The following LRRC7 variants were observed in gnomAD, a reference collection of about 807,000 sequenced individuals.
LRRC7 encodes leucine rich repeat containing 7.
LRRC7 carries 23 observed loss-of-function variants against 175.7 expected under a neutral mutation model. That is an observed-to-expected ratio of 0.13 (90% CI 0.09 to 0.19). The LOEUF (loss-of-function observed/expected upper bound fraction) is 0.19, where lower values mean the gene tolerates loss of function less well. Ranked by LOEUF, LRRC7 falls within the 10% of genes least tolerant of loss-of-function variation. The probability of loss-of-function intolerance (pLI) is 1.00; values close to 1 mark genes in which losing one functional copy is unlikely to be tolerated. For synonymous variants in LRRC7, 685 were observed against 680.9 expected (o/e 1.01, Z -0.09); for missense variants, 1,354 against 1,904.7 (o/e 0.71, Z 5.38).
chr1:70,097,267 C>T (rs1664475337), intron 25 of LRRC7, among the ~76,000 whole-genome samples: 2 of 152,156 alleles, frequency 1.3e-5, no homozygotes, highest in Admixed American at 1.3e-4. Flanking sequence ...GCCTTTCTGA[C>T]TTCCTGAGCC....
At position 70,016,489 on chromosome 1, in the gene LRRC7, T is replaced by A; in HGVS notation, c.1275T>A (p.Phe425Leu). The change falls in exon 14 of 27, where the codon TTT becomes TTA. Residue 425 changes from phenylalanine (F) to leucine (L), a missense_variant. This residue lies in a region of LRRC7 where 201 missense variants were observed against 481.4 expected (regional missense o/e 0.42). Coordinates refer to ENST00000651989, the MANE Select transcript of LRRC7 (RefSeq NM_001370785.2). ...DNRLKNLPFSFTKLKELAALW... is the reference protein window; with the variant it reads ...DNRLKNLPFSLTKLKELAALW... ...GATTGAAGAATTTACCATTCTCATT[T>A]ACCAAACTTAAAGAGCTTGCAGCTT... The A allele has an allele frequency of 6.3e-7, 1 of 1,590,174 alleles. No homozygotes were observed. The highest frequency in any genetic ancestry group is 8.6e-7 in the Non-Finnish European group (1 of 1,168,866).
chr1:69,844,545 C>T (rs1348964084), intron 7 of LRRC7, among the ~76,000 whole-genome samples: 1 of 152,112 alleles, frequency 6.6e-6, no homozygotes, highest in African/African-American at 2.4e-5. Context: ...TAATATTCCG[C>T]TATATACATA....
Position 69,644,774 on chromosome 1 carries a change from T to TA in LRRC7, c.3-33599dup, listed in dbSNP as rs1021638452. Among the ~76,000 whole-genome samples the TA allele has an allele frequency of 1.3e-4, 19 of 151,560 alleles. No individual in the cohort carries two copies. In the South Asian group the frequency reaches 1.5e-3, roughly 12 times the overall value. ...TTAGCAAATTTAATCTACCAATATA[T>TA]AAAAAAAATGCATCATTAACAGATT... On this transcript the variant is annotated intron_variant, in intron 1 of 26. Coordinates refer to ENST00000651989, the MANE Select transcript of LRRC7 (RefSeq NM_001370785.2).
chr1:69,718,180 G>GAAAGAAGA (rs1439175731), intron 2 of LRRC7, among the ~76,000 whole-genome samples: 4 of 102,718 alleles, frequency 3.9e-5, no homozygotes, highest in Non-Finnish European at 7.8e-5. Flanking sequence ...AAGAAGAAAA[G>GAAAGAAGA]AAAAGAAAGA....
chr1:69,923,275 C>T (rs1646951172), intron 7 of LRRC7, among the ~76,000 whole-genome samples: 1 of 152,196 alleles, frequency 6.6e-6, no homozygotes, highest in African/African-American at 2.4e-5. Context: ...CTGCAATAAA[C>T]ATACATGTGC....
chr1:69,628,655 C>T (rs1232305232), intron 1 of LRRC7, among the ~76,000 whole-genome samples: 2 of 151,972 alleles, frequency 1.3e-5, no homozygotes, highest in Admixed American at 6.6e-5. Context: ...GGCAAACACA[C>T]GAATACCTAA....
intron 8 of LRRC7, among the ~76,000 whole-genome samples, chr1:69,972,338 G>A (rs1020098832): frequency 2.0e-5 from 3 of 152,164 alleles, no homozygotes; most frequent in Non-Finnish European, 4.4e-5. Flanking sequence ...GACAACCCAC[G>A]GAGTGGGAGA....
At chr1:69,774,842 T>C (rs1273556011) in intron 3 of LRRC7, among the ~76,000 whole-genome samples, 2 of 151,492 alleles carry the variant, frequency 1.3e-5, no homozygotes, top group Non-Finnish European at 2.9e-5. Flanking sequence ...TGCCATAATA[T>C]GAAATAAATA....
intron 18 of LRRC7, among the ~76,000 whole-genome samples, chr1:70,032,601 T>C (rs1184445834): frequency 5.9e-5 from 9 of 152,178 alleles, no homozygotes; most frequent in Non-Finnish European, 1.0e-4. Context: ...ATGTTCTGCA[T>C]TTTTCCCTTT....
Position 70,131,541 on chromosome 1 carries a change from C to G in LRRC7, c.*9654C>G, listed in dbSNP as rs1666662846. ...TTTGTCATTGACTCTTTTACTTATA[C>G]TATTAATATTAATTACTCTTATTCT... On this transcript the variant is annotated 3_prime_UTR_variant, in exon 27 of 27. Transcript: ENST00000651989. Among the ~76,000 whole-genome samples the G allele has an allele frequency of 6.6e-6, 1 of 152,166 alleles. No individual in the cohort carries two copies. Among genetic ancestry groups the G allele is most frequent in the African/African-American group, 2.4e-5 (1 of 41,440 alleles).
intron 23 of LRRC7, among the ~76,000 whole-genome samples, chr1:70,056,526 A>T (rs1204655577): frequency 2.0e-5 from 3 of 152,132 alleles, no homozygotes; most frequent in Non-Finnish European, 4.4e-5. Flanking sequence ...CTCTATCCTA[A>T]AACTGGTTTC....
At chr1:69,934,493 G>GCA (rs1647747280) in intron 8 of LRRC7, among the ~76,000 whole-genome samples, 1 of 74,700 alleles carries the variant, frequency 1.3e-5, no homozygotes, top group Non-Finnish European at 3.0e-5. Flanking sequence ...AGATATTTTG[G>GCA]CGGGGGGGGG....
At chr1:70,092,170 C>T (rs2102173708) in intron 25 of LRRC7, among the ~76,000 whole-genome samples, 1 of 152,134 alleles carries the variant, frequency 6.6e-6, no homozygotes, top group East Asian at 1.9e-4. Flanking sequence ...AACCCAGTGC[C>T]TGAAACTACC....
intron 3 of LRRC7, among the ~76,000 whole-genome samples, chr1:69,781,873 GAAGA>G (rs1194354554): frequency 1.6e-5 from 2 of 128,920 alleles, no homozygotes; most frequent in Non-Finnish European, 3.3e-5. Flanking sequence ...AGGAAGGAAG[GAAGA>G]AAGAAAAGGA....
At chr1:69,971,480 G>C (rs140460962) in intron 8 of LRRC7, among the ~76,000 whole-genome samples, 2 of 152,048 alleles carry the variant, frequency 1.3e-5, no homozygotes. Context: ...CACCCACAGC[G>C]ACCAAGCGGA....
chr1:69,777,647 G>A (rs936914637), intron 3 of LRRC7, among the ~76,000 whole-genome samples: 1 of 152,146 alleles, frequency 6.6e-6, no homozygotes, highest in Non-Finnish European at 1.5e-5. Context: ...TGACTATTCA[G>A]TTTGGATACC....
At chr1:69,989,181 G>A (rs1312153410) in intron 10 of LRRC7, among the ~76,000 whole-genome samples, 1 of 152,060 alleles carries the variant, frequency 6.6e-6, no homozygotes, top group African/African-American at 2.4e-5. Flanking sequence ...AAAATAGATG[G>A]TTAAGAAAAA....
intron 7 of LRRC7, among the ~76,000 whole-genome samples, chr1:69,927,321 G>A (rs552872011): frequency 8.5e-4 from 129 of 152,072 alleles, no homozygotes; most frequent in African/African-American, 1.4e-3. Flanking sequence ...TCTTTGTGGC[G>A]TTCTCTGTAT....
At chr1:69,834,535 A>G (rs2101326041) in intron 5 of LRRC7, among the ~76,000 whole-genome samples, 1 of 152,296 alleles carries the variant, frequency 6.6e-6, no homozygotes, top group East Asian at 1.9e-4. Context: ...TGCTGATTTT[A>G]GCAGTGACAT....
Sources: gnomAD v4.1 joint callset for allele counts (sites outside exome capture counted in the v4.1 genomes callset) on GRCh38, gnomAD v4.1.1 for gene constraint, gnomAD v4.1.1 regional missense constraint, MANE v1.5 for transcripts, NCBI Gene and HGNC (gene_info 2026-07-23, HGNC 2026-07-21) for gene names.